The following KCNQ1 variants were observed in gnomAD, a reference collection of about 807,000 sequenced individuals.
The protein encoded by KCNQ1 is potassium voltage-gated channel subfamily KQT member 1.
In KCNQ1, 49 loss-of-function variants were observed where a neutral mutation model predicts 72.4. That is an observed-to-expected ratio of 0.68 (90% confidence interval 0.54 to 0.86). The LOEUF is 0.86. KCNQ1 is among the 40% of genes least tolerant of loss of function. The pLI, the probability that KCNQ1 is intolerant of heterozygous loss-of-function variation, is 0.00. For missense variants in KCNQ1, 790 were observed against 945.1 expected, an observed-to-expected ratio of 0.84 and a Z score of 2.15; for synonymous variants, 450 against 412.6, an observed-to-expected ratio of 1.09 and a Z score of -1.10.
At chr11:2,512,390 T>C (rs1207494638) in intron 1 of KCNQ1, among the ~76,000 whole-genome samples, 1 of 152,072 alleles carries the variant, frequency 6.6e-6, no homozygotes, top group East Asian at 1.9e-4. Context: ...GTCTGTCTCC[T>C]ATCCCAATAT....
intron 1 of KCNQ1, chr11:2,461,328 T>G (rs1846274229): frequency 8.5e-6 from 8 of 943,018 alleles, no homozygotes; most frequent in Non-Finnish European, 1.1e-5. Context: ...GTAGTCTGGT[T>G]GCTGTCGTTC....
chr11:2,662,062 C>T lies in KCNQ1; in HGVS notation c.1495C>T (p.Pro499Ser), dbSNP rs769966014. Reference protein sequence around the residue: ...LDLEGETLLTPITHISQLREH... With the variant: ...LDLEGETLLTSITHISQLREH... Reference sequence around the variant, plus strand: ...CCTGGAAGGGGAGACTCTGCTGACACCCATCACCCACATCTCACAGTGAGT... The same window carrying T: ...CCTGGAAGGGGAGACTCTGCTGACATCCATCACCCACATCTCACAGTGAGT... The change falls in exon 11 of 16, where the codon CCC becomes TCC. Residue 499 changes from proline to serine, a missense_variant. Coordinates refer to ENST00000155840, the MANE Select transcript of KCNQ1 (RefSeq NM_000218.3). 6 of 1,614,224 alleles carry T rather than the reference C, an allele frequency of 3.7e-6. No individual in the cohort carries two copies. The South Asian group carries it at 5.5e-5, about 15-fold the overall frequency.
At chr11:2,801,703 C>T (rs967887842) in intron 15 of KCNQ1, among the ~76,000 whole-genome samples, 2 of 152,236 alleles carry the variant, frequency 1.3e-5, no homozygotes, top group Non-Finnish European at 2.9e-5. Context: ...CAGTTCATAA[C>T]ACAAGTCCTC....
intron 11 of KCNQ1, among the ~76,000 whole-genome samples, chr11:2,701,069 C>T (rs965320790): frequency 6.6e-6 from 1 of 152,162 alleles, no homozygotes; most frequent in African/African-American, 2.4e-5. Flanking sequence ...ACCTCAAACA[C>T]AGGAGGAAGG....
chr11:2,586,291 G>A (rs1848591126), intron 8 of KCNQ1, among the ~76,000 whole-genome samples: 1 of 152,240 alleles, frequency 6.6e-6, no homozygotes, highest in African/African-American at 2.4e-5. Context: ...CAGGCTGTCA[G>A]GGGCCAGTCG....
intron 1 of KCNQ1, among the ~76,000 whole-genome samples, chr11:2,524,516 C>T (rs1271784620): frequency 6.6e-6 from 1 of 152,176 alleles, no homozygotes; most frequent in Non-Finnish European, 1.5e-5. Flanking sequence ...CTGGCTGGGC[C>T]AGTGGTCAGT....
intron 10 of KCNQ1, chr11:2,655,957 G>A (rs1181679714): frequency 1.3e-5 from 5 of 398,604 alleles, no homozygotes; most frequent in Non-Finnish European, 1.8e-5. Context: ...GGCAGGTGCA[G>A]GTCCCACCCA....
rs191732509 is a variant in KCNQ1 at position 2,752,896 on chromosome 11, C to T, written c.1515-15948C>T. 3.0e-4 allele frequency among the ~76,000 whole-genome samples: 46 copies of T among 152,252 alleles called. No individual in the cohort carries two copies. Among genetic ancestry groups the T allele is most frequent in the African/African-American group, 9.1e-4 (38 of 41,556 alleles). ...CTGAATCTGTTTCAGCCACCTCTCCCGAGGATCCTCGCACAATTTCACTGC... is the reference window on the plus strand; with the variant it reads ...CTGAATCTGTTTCAGCCACCTCTCCTGAGGATCCTCGCACAATTTCACTGC... On this transcript the variant is annotated intron_variant, in intron 11 of 15. Transcript: ENST00000155840. This position sits in a 1 kb window ranked among gnomAD's most constrained non-coding sequence, Gnocchi z 5.2.
intron 2 of KCNQ1, among the ~76,000 whole-genome samples, chr11:2,533,838 A>AG (rs1847682463): frequency 6.6e-6 from 1 of 152,198 alleles, no homozygotes; most frequent in African/African-American, 2.4e-5. Flanking sequence ...ACAAAGAGAG[A>AG]GGCACTCAAA....
chr11:2,804,289 C>T (rs758132302), intron 15 of KCNQ1, among the ~76,000 whole-genome samples: 7 of 152,162 alleles, frequency 4.6e-5, no homozygotes, highest in East Asian at 1.9e-4. Context: ...CCTCCTGCAA[C>T]GTCATTTTGC....
chr11:2,466,158 G>C (rs969532348), intron 1 of KCNQ1, among the ~76,000 whole-genome samples: 2 of 152,214 alleles, frequency 1.3e-5, no homozygotes, highest in Non-Finnish European at 2.9e-5. Context: ...GAGGAAGCTG[G>C]AACAGTGACC....
chr11:2,503,744 T>G (rs918758133), intron 1 of KCNQ1, among the ~76,000 whole-genome samples: 7 of 152,178 alleles, frequency 4.6e-5, no homozygotes, highest in African/African-American at 1.7e-4. Flanking sequence ...TCAACGTCAC[T>G]GATCATCAGA....
At chr11:2,686,987 G>A (rs918445532) in intron 11 of KCNQ1, 9 of 398,534 alleles carry the variant, frequency 2.3e-5, no homozygotes, top group African/African-American at 6.2e-5. Flanking sequence ...ACAACACTGG[G>A]CCCTGACTTG....
At chr11:2,693,442 C>A (rs992604225) in intron 11 of KCNQ1, 22 of 398,522 alleles carry the variant, frequency 5.5e-5, no homozygotes, top group Non-Finnish European at 9.3e-5. Context: ...CGCTGGCCCC[C>A]CATCGAGTCC....
intron 15 of KCNQ1, among the ~76,000 whole-genome samples, chr11:2,823,749 C>T (rs1046927188): frequency 1.3e-5 from 2 of 152,168 alleles, no homozygotes; most frequent in Non-Finnish European, 2.9e-5. Context: ...AGCAGGAGAA[C>T]CCAGAAAGGA....
intron 1 of KCNQ1, among the ~76,000 whole-genome samples, chr11:2,480,701 G>C (rs1453882001): frequency 6.6e-6 from 1 of 152,240 alleles, no homozygotes; most frequent in East Asian, 1.9e-4. Context: ...GGCAGCTGAT[G>C]ATGTGAGAGT....
At chr11:2,839,538 C>A (rs1037023581) in intron 15 of KCNQ1, among the ~76,000 whole-genome samples, 1 of 131,318 alleles carries the variant, frequency 7.6e-6, no homozygotes, top group Non-Finnish European at 1.5e-5. Flanking sequence ...ACACATAGAC[C>A]CCCTGGGGGC....
In KCNQ1 at chr11:2,783,617, C is replaced by A. The variant is rs1424619095; in HGVS notation, c.1794+5580C>A. Among the ~76,000 whole-genome samples the A allele has an allele frequency of 3.3e-5, 5 of 152,058 alleles. No homozygotes were observed. The highest frequency in any genetic ancestry group is 7.4e-5 in the Non-Finnish European group (5 of 67,922). On this transcript the variant is annotated intron_variant, in intron 15 of 15. Transcript: ENST00000155840. This position sits in a 1 kb window ranked among gnomAD's most constrained non-coding sequence, Gnocchi z 5.2. ...CAAAGGATTTATACCATTTTGCTTTCTCACCAGTAAAGTATAAAGGTTCCA... is the reference window on the plus strand; with the variant it reads ...CAAAGGATTTATACCATTTTGCTTTATCACCAGTAAAGTATAAAGGTTCCA...
rs559211049 is a variant in KCNQ1, at chr11:2,759,885, C to G, written c.1515-8959C>G. 6.6e-6 allele frequency among the ~76,000 whole-genome samples: 1 copy of G among 152,140 alleles called. No individual in the cohort carries two copies. Among genetic ancestry groups the G allele is most frequent in the Non-Finnish European group, 1.5e-5 (1 of 68,018 alleles). On this transcript the variant is annotated intron_variant, in intron 11 of 15. Transcript: ENST00000155840. The surrounding 1 kb of genome is among the most constrained non-coding windows in gnomAD (Gnocchi z 4.4). ...CTGTACTGGACCCAAGCCCCAGGAC[C>G]CCCTGGAGTCACCTCCAGCCCTCCC...
Sources: allele counts gnomAD v4.1 joint callset (sites outside exome capture counted in the v4.1 genomes callset), GRCh38; gene constraint gnomAD v4.1.1; non-coding constraint Gnocchi (gnomAD v3.1); transcripts MANE v1.5; gene names NCBI Gene and HGNC (gene_info 2026-07-23, HGNC 2026-07-21).